The following SPG11 variants were observed in gnomAD, a reference collection of about 807,000 sequenced individuals.
SPG11 encodes SPG11 vesicle trafficking associated, spatacsin, also known as spatacsin.
SPG11 carries 222 observed loss-of-function variants against 274.0 expected under a neutral mutation model. That is an observed-to-expected ratio of 0.81 (90% CI 0.73 to 0.91). The LOEUF (loss-of-function observed/expected upper bound fraction) is 0.91, where lower values mean the gene tolerates loss of function less well. SPG11 is among the 40% of genes least tolerant of loss of function. The pLI, the probability that SPG11 is intolerant of heterozygous loss-of-function variation, is 0.00. For synonymous variants in SPG11, 1,144 were observed against 1,039.7 expected (o/e 1.10, Z -1.93); for missense variants, 3,114 against 2,872.7 (o/e 1.08, Z -1.92).
At chr15:44,630,131 G>A (rs1157049860) in intron 8 of SPG11, among the ~76,000 whole-genome samples, 1 of 152,236 alleles carries the variant, frequency 6.6e-6, no homozygotes, top group Non-Finnish European at 1.5e-5. Flanking sequence ...GCTATTCTGT[G>A]CTAAACATTC....
intron 13 of SPG11, 50 bp from the exon 14 acceptor site, chr15:44,621,984 C>A: frequency 1.4e-6 from 2 of 1,415,120 alleles, no homozygotes; most frequent in Non-Finnish European, 1.9e-6. Context: ...GAGAAAAAGG[C>A]ATCATTCCTT....
At chr15:44,630,127 C>T (rs1435570072) in intron 8 of SPG11, among the ~76,000 whole-genome samples, 1 of 152,236 alleles carries the variant, frequency 6.6e-6, no homozygotes, top group African/African-American at 2.4e-5. Context: ...CAAAGCTATT[C>T]TGTGCTAAAC....
At chr15:44,643,376 G>A (rs1314979583) in intron 7 of SPG11, among the ~76,000 whole-genome samples, 2 of 152,074 alleles carry the variant, frequency 1.3e-5, no homozygotes, top group Non-Finnish European at 2.9e-5. Flanking sequence ...ACTTCTGGAT[G>A]GTAGATTTAC....
intron 7 of SPG11, among the ~76,000 whole-genome samples, chr15:44,637,806 A>C (rs959777897): frequency 2.0e-5 from 3 of 152,068 alleles, no homozygotes; most frequent in African/African-American, 4.8e-5. Context: ...TGTACTCCTT[A>C]TTTCTTTTTT....
At chr15:44,653,479 G>A (rs966699214) in intron 4 of SPG11, among the ~76,000 whole-genome samples, 1 of 152,094 alleles carries the variant, frequency 6.6e-6, no homozygotes. Context: ...GTTAATGACT[G>A]GCTACACCTC....
At chr15:44,659,396 C>G (rs1285917229) in intron 2 of SPG11, 93 bp from the exon 3 acceptor site, 3 of 1,136,152 alleles carry the variant, frequency 2.6e-6, no homozygotes, top group African/African-American at 1.6e-5. Context: ...AAAAGTAAAA[C>G]AAAAAAGGAA....
chr15:44,563,286 C>G lies in SPG11; in HGVS notation c.7167G>C (p.Gln2389His). 3.1e-6 allele frequency: 5 copies of G among 1,613,416 alleles called. No homozygotes were observed. The highest frequency in any genetic ancestry group is 4.2e-6 in the Non-Finnish European group (5 of 1,179,456). ...GGTTTTCCATGACCATGTCAGTAGG[C>G]TGATGTTGTTTATATCTAGATAAAG... ...EEISKKYKQHQPTDMVMENLK... is the reference protein window; with the variant it reads ...EEISKKYKQHHPTDMVMENLK... The change falls in exon 40 of 40, where the codon CAG becomes CAC. Residue 2389 changes from glutamine (Q) to histidine (H), a missense_variant. Transcript: ENST00000261866.
chr15:44,616,022 A>C (rs1302990124), intron 15 of SPG11, among the ~76,000 whole-genome samples: 2 of 152,204 alleles, frequency 1.3e-5, no homozygotes, highest in African/African-American at 4.8e-5. Context: ...AGTTACTGTT[A>C]CATCATATAT....
rs2083007055 is a variant in SPG11 at position 44,595,318 on chromosome 15, T to C, written c.4576A>G (p.Thr1526Ala). The C allele has an allele frequency of 6.2e-7, 1 of 1,614,120 alleles. No individual in the cohort carries two copies. The change falls in exon 26 of 40, where the codon ACA becomes GCA. Residue 1526 changes from threonine to alanine, a missense_variant. Thr to Ala is a moderately conservative substitution (Grantham distance 58, BLOSUM62 0). Transcript: ENST00000261866. ...TTGCTCTTTTGTCTTGTTAATAATG[T>C]TCTCCAGATGACTGAAAGATCCTCA... ...NLEDLSVIWR[T>A]LLTRQKSKTL...
intron 1 of SPG11, among the ~76,000 whole-genome samples, chr15:44,661,143 T>G (rs1266825047): frequency 6.6e-6 from 1 of 152,184 alleles, no homozygotes; most frequent in Non-Finnish European, 1.5e-5. Context: ...CAGTAGTCAA[T>G]AGCCACATGC....
chr15:44,570,651 C>T lies in SPG11; in HGVS notation c.6351G>A (p.Glu2117=). The part of the protein sequence containing the change: ...VPHGELSCTT[E]LLILAHHCFT... ...AGCAATGATGGGCCAGGATCAGGAG[C>T]TCTGTGGCTGGGAGGGTGGGCACTG... Residue 2117 remains glutamate (E), a synonymous_variant, in exon 34 of 40, where the codon GAG becomes GAA. Coordinates refer to ENST00000261866, the MANE Select transcript of SPG11 (RefSeq NM_025137.4). The T allele has an allele frequency of 6.2e-7, 1 of 1,613,982 alleles. No individual in the cohort carries two copies. Among genetic ancestry groups the T allele is most frequent in the Non-Finnish European group, 8.5e-7 (1 of 1,179,978 alleles).
chr15:44,613,571 A>T, intron 16 of SPG11, 35 bp from the exon 17 acceptor site: 2 of 1,336,356 alleles, frequency 1.5e-6, no homozygotes, highest in Non-Finnish European at 2.2e-6. Context: ...TTCTTTGATT[A>T]ACATACAGGA....
intron 6 of SPG11, 135 bp from the exon 7 acceptor site, chr15:44,649,146 C>CT: frequency 1.4e-6 from 1 of 727,860 alleles, no homozygotes; most frequent in Non-Finnish European, 2.3e-6. Context: ...ATATCATGTA[C>CT]TATAATGATC....
chr15:44,655,910 T>C (rs899971719), intron 4 of SPG11, among the ~76,000 whole-genome samples: 3 of 152,208 alleles, frequency 2.0e-5, no homozygotes, highest in Non-Finnish European at 2.9e-5. Flanking sequence ...ATAAAAGTTA[T>C]GTGAATGTAG....
intron 7 of SPG11, among the ~76,000 whole-genome samples, chr15:44,647,656 T>C (rs1425013326): frequency 6.6e-6 from 1 of 152,188 alleles, no homozygotes; most frequent in African/African-American, 2.4e-5. Flanking sequence ...CAAAGATGCC[T>C]GTCACAAAGG....
chr15:44,564,133 C>T (rs370000833), intron 39 of SPG11, among the ~76,000 whole-genome samples: 1 of 152,134 alleles, frequency 6.6e-6, no homozygotes, highest in Non-Finnish European at 1.5e-5. Context: ...GCTGGGACTA[C>T]AGGTGCCAGC....
At chr15:44,653,771 G>T (rs138817091) in intron 4 of SPG11, among the ~76,000 whole-genome samples, 1 of 152,218 alleles carries the variant, frequency 6.6e-6, no homozygotes, top group African/African-American at 2.4e-5. Context: ...ATACATTCAA[G>T]ACACACAGTA....
chr15:44,573,332 AT>A, intron 32 of SPG11: 1 of 642,098 alleles, frequency 1.6e-6, no homozygotes. Context: ...CAGTGTAATC[AT>A]AAAACAATAA....
chr15:44,609,248 C>T (rs2083398071), intron 18 of SPG11, among the ~76,000 whole-genome samples: 1 of 152,036 alleles, frequency 6.6e-6, no homozygotes. Context: ...TCTCCTGCCT[C>T]AGCCTCTGGA....
Sources: gnomAD v4.1 joint callset for allele counts (sites outside exome capture counted in the v4.1 genomes callset) on GRCh38, gnomAD v4.1.1 for gene constraint, MANE v1.5 for transcripts, NCBI Gene and HGNC (gene_info 2026-07-23, HGNC 2026-07-21) for gene names.